PIAS4: variants seen among roughly 807,000 people sequenced by gnomAD.
The protein encoded by PIAS4 is protein inhibitor of activated STAT 4.
Under a neutral mutation model 58.0 loss-of-function variants are expected in PIAS4, and 7 were observed. That is an observed-to-expected ratio of 0.12 (90% CI 0.07 to 0.23). The LOEUF is 0.23. PIAS4 is among the 10% of genes least tolerant of loss of function. The pLI is 1.00. For missense variants in PIAS4, 550 were observed against 709.5 expected (o/e 0.78, Z 2.55); for synonymous variants, 364 against 312.4 (o/e 1.17, Z -1.74).
rs112334040 is a variant in PIAS4 at position 4,037,631 on chromosome 19, A to C, written c.1289A>C (p.Asn430Thr). 1 of 1,611,152 alleles carries C rather than the reference A, an allele frequency of 6.2e-7. No homozygotes were observed. Among genetic ancestry groups the C allele is most frequent in the South Asian group, 1.1e-5 (1 of 91,086 alleles). ...TTGCCCGTAGGCCCCTCGGACGCCA[A>C]TGGGCTCCTGCCCGCCCCCAGCGTC... ...AILVLGPSDA[N>T]GLLPAPSVNG... The change falls in exon 11 of 11, where the codon AAT becomes ACT. Residue 430 changes from asparagine (N) to threonine (T), a missense_variant. Physicochemically the swap from Asn to Thr is moderately conservative, Grantham distance 65. Transcript: ENST00000262971. This position sits in a 1 kb window ranked among gnomAD's most constrained non-coding sequence, Gnocchi z 5.8.
intron 1 of PIAS4, among the ~76,000 whole-genome samples, chr19:4,008,985 T>G (rs1282389301): frequency 6.6e-6 from 1 of 152,168 alleles, no homozygotes; most frequent in Non-Finnish European, 1.5e-5. Context: ...ATCTCCTAGC[T>G]TGGAACCACT....
rs979283418 is a variant in PIAS4 at position 4,030,544 on chromosome 19, A to G, written c.907+1508A>G. Among the ~76,000 whole-genome samples, 4 of 151,640 alleles carry G rather than the reference A, an allele frequency of 2.6e-5. No individual in the cohort carries two copies. In the East Asian group the frequency reaches 7.8e-4, roughly 30 times the overall value. ...TGAGGCAGGAGAATGGCGTGAACCC[A>G]GGAGGCAGAGCTTGCAGTGAGCGGA... is the stretch of plus-strand genomic sequence containing the variant. On this transcript the variant is annotated intron_variant, in intron 7 of 10. Coordinates refer to ENST00000262971, the MANE Select transcript of PIAS4 (RefSeq NM_015897.4).
chr19:4,014,189 CTGG>C (rs2040028875), intron 2 of PIAS4, among the ~76,000 whole-genome samples: 1 of 152,184 alleles, frequency 6.6e-6, no homozygotes, highest in Admixed American at 6.5e-5. Flanking sequence ...AGGAGAGGTG[CTGG>C]GCTCCACGCT....
At chr19:4,029,502 G>A (rs939209855) in intron 7 of PIAS4, among the ~76,000 whole-genome samples, 4 of 152,156 alleles carry the variant, frequency 2.6e-5, no homozygotes, top group Non-Finnish European at 5.9e-5. Context: ...ACGGGCGGCG[G>A]CGGTCTGACC....
chr19:4,015,417 CACCAGTGTGCCTGTGCT>C (rs148139716), intron 2 of PIAS4, among the ~76,000 whole-genome samples: 2,079 of 152,296 alleles, frequency 0.014, 42 homozygotes, highest in African/African-American at 0.048. Context: ...CCCCTGTCTA[CACCAGTGTGCCTGTGCT>C]GGCGGCTCAG....
intron 1 of PIAS4, among the ~76,000 whole-genome samples, chr19:4,010,740 C>T (rs1031943620): frequency 6.6e-6 from 1 of 152,242 alleles, no homozygotes; most frequent in Non-Finnish European, 1.5e-5. Flanking sequence ...CTCACCTACA[C>T]GATGGGTGTC....
rs150952778 is a variant in PIAS4, at chr19:4,009,437, C to T, written c.27+1650C>T. Among the ~76,000 whole-genome samples the T allele has an allele frequency of 2.3e-3, 351 of 152,202 alleles. 1 individual carries two copies. The highest frequency in any genetic ancestry group is 7.8e-3 in the African/African-American group (325 of 41,512). ...AGTCCTGAAATGTAACCTCCCGTTT[C>T]GGGGCTTGGAGCTGTGACCCTGGAC... On this transcript the variant is annotated intron_variant, in intron 1 of 10. Transcript: ENST00000262971.
chr19:4,031,631 C>T (rs945091118), intron 7 of PIAS4, among the ~76,000 whole-genome samples: 6 of 152,126 alleles, frequency 3.9e-5, no homozygotes, highest in East Asian at 1.9e-4. Flanking sequence ...GGGTGGGGGC[C>T]GGGCTTAACT....
At chr19:4,009,728 A>G (rs1239896170) in intron 1 of PIAS4, among the ~76,000 whole-genome samples, 1 of 152,086 alleles carries the variant, frequency 6.6e-6, no homozygotes, top group Non-Finnish European at 1.5e-5. Flanking sequence ...CCTTCTTTAC[A>G]GGGGCCTTCC....
chr19:4,008,257 C>T (rs2039961958), intron 1 of PIAS4, among the ~76,000 whole-genome samples: 1 of 152,110 alleles, frequency 6.6e-6, no homozygotes, highest in African/African-American at 2.4e-5. Context: ...TGGGTCTCGT[C>T]CCCGCCCAAC....
At chr19:4,016,277 A>G (rs1256238399) in intron 2 of PIAS4, among the ~76,000 whole-genome samples, 2 of 152,212 alleles carry the variant, frequency 1.3e-5, no homozygotes, top group East Asian at 1.9e-4. Context: ...CCGGGCACAG[A>G]GCTGCTCCTC....
At chr19:4,008,931 A>T (rs919704663) in intron 1 of PIAS4, among the ~76,000 whole-genome samples, 1 of 152,092 alleles carries the variant, frequency 6.6e-6, no homozygotes, top group Non-Finnish European at 1.5e-5. Context: ...CTGCTGCTCT[A>T]TTATACTTTG....
chr19:4,016,784 T>G (rs1438470382), intron 2 of PIAS4, among the ~76,000 whole-genome samples: 2 of 152,020 alleles, frequency 1.3e-5, no homozygotes, highest in Non-Finnish European at 2.9e-5. Context: ...GGCTCATTCA[T>G]GGGGCTGAAT....
At chr19:4,009,936 T>C (rs913818477) in intron 1 of PIAS4, among the ~76,000 whole-genome samples, 8 of 152,298 alleles carry the variant, frequency 5.3e-5, no homozygotes, top group Non-Finnish European at 7.4e-5. Flanking sequence ...ATCTCCGCTT[T>C]CCTGGAGAGA....
chr19:4,026,286 C>G (rs1197502205), intron 3 of PIAS4, among the ~76,000 whole-genome samples: 1 of 148,144 alleles, frequency 6.8e-6, no homozygotes, highest in Non-Finnish European at 1.5e-5. Flanking sequence ...GTGCGCACCA[C>G]CACGCCTGGC....
intron 3 of PIAS4, among the ~76,000 whole-genome samples, chr19:4,026,345 A>C: frequency 6.7e-6 from 1 of 149,424 alleles, no homozygotes; most frequent in Non-Finnish European, 1.5e-5. Context: ...GTTGGCCAAG[A>C]TGATCTCAAT....
At position 4,037,982 on chromosome 19, in the gene PIAS4, C is replaced by T. The variant is rs112184024; in HGVS notation, c.*107C>T. 6.3e-6 allele frequency: 8 copies of T among 1,271,340 alleles called. No homozygotes were observed. The highest frequency in any genetic ancestry group is 8.6e-6 in the Non-Finnish European group (8 of 935,078). The allele number at this position is 1,271,340 out of a possible 1,614,324, so 78.8% of individuals were successfully genotyped here. ...CTTTCTTTTTCTTTTTATTGTCGTT[C>T]GTTTTGTTTTTCCACCCTTTTGCCT... On this transcript the variant is annotated 3_prime_UTR_variant, in exon 11 of 11. Transcript: ENST00000262971. The surrounding 1 kb of genome is among the most constrained non-coding windows in gnomAD (Gnocchi z 5.8).
intron 1 of PIAS4, among the ~76,000 whole-genome samples, chr19:4,009,099 C>T (rs891325926): frequency 2.6e-5 from 4 of 152,082 alleles, no homozygotes; most frequent in African/African-American, 7.2e-5. Flanking sequence ...TAGAAGTGCC[C>T]GCAAGGCCAC....
chr19:4,008,637 T>C (rs2039965583), intron 1 of PIAS4, among the ~76,000 whole-genome samples: 1 of 152,128 alleles, frequency 6.6e-6, no homozygotes. Flanking sequence ...CTCGTTCCTC[T>C]CGGGACAGAA....
Sources: allele counts gnomAD v4.1 joint callset (sites outside exome capture counted in the v4.1 genomes callset), GRCh38; gene constraint gnomAD v4.1.1; non-coding constraint Gnocchi (gnomAD v3.1); transcripts MANE v1.5; gene names NCBI Gene and HGNC (gene_info 2026-07-23, HGNC 2026-07-21).